FAM107B: variants seen among roughly 807,000 people sequenced by gnomAD.
FAM107B encodes protein FAM107B.
FAM107B carries 21 observed loss-of-function variants against 31.5 expected under a neutral mutation model. That is an observed-to-expected ratio of 0.67 (90% CI 0.47 to 0.96). FAM107B has a LOEUF of 0.96. Ranked by LOEUF, FAM107B falls within the 40% of genes least tolerant of loss-of-function variation. The pLI, the probability that FAM107B is intolerant of heterozygous loss-of-function variation, is 0.00. For missense variants in FAM107B, 452 were observed against 377.1 expected (o/e 1.20, Z -1.64); for synonymous variants, 157 against 141.5 (o/e 1.11, Z -0.78).
At chr10:14,603,210 T>C (rs1284798794) in intron 2 of FAM107B, among the ~76,000 whole-genome samples, 2 of 152,164 alleles carry the variant, frequency 1.3e-5, no homozygotes, top group Non-Finnish European at 2.9e-5. Flanking sequence ...AAATCTTCTC[T>C]GGACAGGTAG....
chr10:14,548,574 C>T, intron 2 of FAM107B: 2 of 985,390 alleles, frequency 2.0e-6, no homozygotes, highest in South Asian at 4.7e-5. Flanking sequence ...CCTCAGCTGC[C>T]CCAGATACAC....
At position 14,774,673 on chromosome 10, in the gene FAM107B, T is replaced by C. The variant is rs371031031; in HGVS notation, c.-10A>G. The stretch of plus-strand genomic sequence containing the variant: ...CTTTCCACGTGGACATGACTTGCAG[T>C]GAATCATTGCAAAGTTCAAACGGGG... On this transcript the variant is annotated 5_prime_UTR_variant, in exon 1 of 5. Transcript: ENST00000181796. 1.5e-5 allele frequency: 24 copies of C among 1,607,476 alleles called. No individual in the cohort carries two copies. The African/African-American group carries it at 2.8e-4, about 19-fold the overall frequency.
chr10:14,725,311 G>C (rs951723027), intron 1 of FAM107B, among the ~76,000 whole-genome samples: 2 of 152,132 alleles, frequency 1.3e-5, no homozygotes, highest in African/African-American at 4.8e-5. Context: ...AAAAGGGAAG[G>C]GAATGGAGAA....
intron 1 of FAM107B, among the ~76,000 whole-genome samples, chr10:14,676,741 C>T (rs1854691972): frequency 6.6e-6 from 1 of 152,212 alleles, no homozygotes; most frequent in African/African-American, 2.4e-5. Context: ...TCCATAACAA[C>T]CCTCTGTGCA....
intron 1 of FAM107B, among the ~76,000 whole-genome samples, chr10:14,669,452 T>C (rs2131476189): frequency 6.6e-6 from 1 of 152,082 alleles, no homozygotes; most frequent in African/African-American, 2.4e-5. Context: ...CCCATATTTA[T>C]TTGAGCACTA....
chr10:14,731,573 C>A (rs1450621104), intron 1 of FAM107B, among the ~76,000 whole-genome samples: 1 of 152,022 alleles, frequency 6.6e-6, no homozygotes. Context: ...AAAAATAAAT[C>A]AATAAATAAA....
chr10:14,614,532 G>T (rs1321165042), intron 2 of FAM107B, among the ~76,000 whole-genome samples: 1 of 151,854 alleles, frequency 6.6e-6, no homozygotes, highest in Non-Finnish European at 1.5e-5. Flanking sequence ...AATTAGCCAG[G>T]CATGGTGGCG....
chr10:14,646,188 GT>G (rs1312069272), intron 2 of FAM107B, among the ~76,000 whole-genome samples: 2 of 151,982 alleles, frequency 1.3e-5, no homozygotes, highest in African/African-American at 2.4e-5. Context: ...TTAAAAAAAT[GT>G]TTTTTTTATT....
chr10:14,627,300 C>G (rs1853190449), intron 2 of FAM107B, among the ~76,000 whole-genome samples: 1 of 152,202 alleles, frequency 6.6e-6, no homozygotes, highest in Non-Finnish European at 1.5e-5. Context: ...CCATCCCAAG[C>G]TATTTAACGT....
intron 2 of FAM107B, among the ~76,000 whole-genome samples, chr10:14,574,801 T>C (rs964794757): frequency 2.0e-5 from 3 of 152,228 alleles, no homozygotes; most frequent in African/African-American, 4.8e-5. Context: ...ACAAGTCATA[T>C]ATGGCCCTAT....
intron 2 of FAM107B, among the ~76,000 whole-genome samples, chr10:14,572,568 C>T (rs534561067): frequency 6.6e-6 from 1 of 151,516 alleles, no homozygotes; most frequent in Non-Finnish European, 1.5e-5. Context: ...TTATGTTTAA[C>T]ATGGCGGAAG....
intron 2 of FAM107B, among the ~76,000 whole-genome samples, chr10:14,559,221 T>C (rs1850014556): frequency 6.6e-6 from 1 of 151,860 alleles, no homozygotes; most frequent in Admixed American, 6.6e-5. Context: ...AACACAGCCA[T>C]GTCCAGAGGG....
At chr10:14,572,303 G>T (rs1851286312) in intron 2 of FAM107B, 1 of 985,360 alleles carries the variant, frequency 1.0e-6, no homozygotes, top group Non-Finnish European at 1.2e-6. Context: ...TCCTCTACTT[G>T]TAAGCAAATA....
intron 2 of FAM107B, among the ~76,000 whole-genome samples, chr10:14,622,308 A>ATTTTTT (rs35444318): frequency 3.2e-4 from 44 of 136,538 alleles, no homozygotes; most frequent in Admixed American, 1.4e-3. Context: ...AGTATGAGAG[A>ATTTTTT]TTTTTTTTTT....
chr10:14,620,200 G>T (rs1434907960), intron 2 of FAM107B, among the ~76,000 whole-genome samples: 1 of 151,936 alleles, frequency 6.6e-6, no homozygotes, highest in Non-Finnish European at 1.5e-5. Context: ...TGTATTTTTA[G>T]TAGAGACGGG....
intron 1 of FAM107B, among the ~76,000 whole-genome samples, chr10:14,767,330 G>A (rs1186144056): frequency 1.3e-5 from 2 of 150,888 alleles, no homozygotes; most frequent in Non-Finnish European, 3.0e-5. Context: ...GACCTCATAT[G>A]ATTCACCCAC....
intron 1 of FAM107B, among the ~76,000 whole-genome samples, chr10:14,770,784 C>T (rs148308359): frequency 2.3e-4 from 35 of 152,084 alleles, no homozygotes; most frequent in Non-Finnish European, 3.4e-4. Flanking sequence ...CAGACATGTG[C>T]GCTCATCACT....
chr10:14,697,301 A>C (rs1281114495), intron 1 of FAM107B, among the ~76,000 whole-genome samples: 1 of 152,108 alleles, frequency 6.6e-6, no homozygotes, highest in Non-Finnish European at 1.5e-5. Flanking sequence ...CCTTCTCCCA[A>C]CTTAACCAGG....
intron 1 of FAM107B, among the ~76,000 whole-genome samples, chr10:14,684,017 A>G (rs1206687196): frequency 6.6e-6 from 1 of 152,240 alleles, no homozygotes; most frequent in African/African-American, 2.4e-5. Context: ...TTTATTTCTT[A>G]TAGCTCTAGA....
Sources: gnomAD v4.1 joint callset for allele counts (sites outside exome capture counted in the v4.1 genomes callset) on GRCh38, gnomAD v4.1.1 for gene constraint, MANE v1.5 for transcripts, NCBI Gene and HGNC (gene_info 2026-07-23, HGNC 2026-07-21) for gene names.